The following USH2A variants were observed in gnomAD, a reference collection of about 807,000 sequenced individuals.
The protein encoded by USH2A is Usher syndrome 2A (autosomal recessive, mild).
In USH2A, 443 loss-of-function variants were observed where a neutral mutation model predicts 538.9. The observed-to-expected ratio is 0.82, with a 90% CI of 0.76 to 0.89. The LOEUF is 0.89. Among genes scored for constraint, USH2A ranks in the 40% least tolerant of loss-of-function variants. USH2A has a pLI of 0.00. For synonymous variants in USH2A, 2,413 were observed against 2,273.5 expected, an observed-to-expected ratio of 1.06 and a Z score of -1.75; for missense variants, 6,633 against 6,324.8, an observed-to-expected ratio of 1.05 and a Z score of -1.65.
chr1:216,118,656 G>A (rs945000108), intron 21 of USH2A, among the ~76,000 whole-genome samples: 1 of 152,144 alleles, frequency 6.6e-6, no homozygotes, highest in Non-Finnish European at 1.5e-5. Flanking sequence ...GACAATACCT[G>A]GTTTCTGTTT....
chr1:216,303,558 T>G (rs1203916639), intron 9 of USH2A, among the ~76,000 whole-genome samples: 1 of 152,012 alleles, frequency 6.6e-6, no homozygotes, highest in Non-Finnish European at 1.5e-5. Context: ...TTTGTAGTAT[T>G]AGACTTGATT....
intron 4 of USH2A, among the ~76,000 whole-genome samples, chr1:216,357,614 A>G (rs991098612): frequency 2.0e-5 from 3 of 152,174 alleles, no homozygotes; most frequent in Admixed American, 6.6e-5. Flanking sequence ...CAGACACTCA[A>G]CAAATATTTA....
At chr1:215,820,121 A>T (rs551754309) in intron 47 of USH2A, among the ~76,000 whole-genome samples, 1 of 151,662 alleles carries the variant, frequency 6.6e-6, no homozygotes, top group African/African-American at 2.4e-5. Context: ...ATTTGAATGA[A>T]TTTTTTTTGG....
At chr1:215,661,191 G>A (rs781376951) in intron 64 of USH2A, among the ~76,000 whole-genome samples, 1 of 152,140 alleles carries the variant, frequency 6.6e-6, no homozygotes, top group Non-Finnish European at 1.5e-5. Context: ...GGACGAGCTG[G>A]TTTTTCCCCA....
chr1:216,410,817 T>G (rs1250059146), intron 3 of USH2A, among the ~76,000 whole-genome samples: 1 of 152,132 alleles, frequency 6.6e-6, no homozygotes, highest in African/African-American at 2.4e-5. Context: ...CCCTTTAATT[T>G]AATTCTTAAA....
rs577223004 is a variant in USH2A at position 215,771,963 on chromosome 1, G to A, written c.10940-5175C>T. Among the ~76,000 whole-genome samples the A allele has an allele frequency of 2.0e-5, 3 of 152,210 alleles. No homozygotes were observed. In the South Asian group the frequency reaches 6.2e-4, roughly 32 times the overall value. On this transcript the variant is annotated intron_variant, in intron 55 of 71. Transcript: ENST00000307340. ...ATATTTTTCATATTGTTAGAGGACT[G>A]GATTACTAATAGGCTTGGTTCAGAT...
chr1:216,069,817 G>T (rs2031497865), intron 30 of USH2A, among the ~76,000 whole-genome samples: 1 of 152,122 alleles, frequency 6.6e-6, no homozygotes, highest in Non-Finnish European at 1.5e-5. Flanking sequence ...TGTCTATAAG[G>T]TGTTAAAGGG....
Position 215,867,188 on chromosome 1 carries a change from TA to T in USH2A, c.8682-19del, listed in dbSNP as rs781675282. ...TTGTAAACCTAAAATGTTGTTTTGT[TA>T]AAAAAAGTATATGAATTTCTACTTT... On this transcript the variant is annotated intron_variant, in intron 43 of 71. Transcript: ENST00000307340. 1 of 1,611,696 alleles carries T rather than the reference TA, an allele frequency of 6.2e-7. No individual in the cohort carries two copies. Among genetic ancestry groups the T allele is most frequent in the Non-Finnish European group, 8.5e-7 (1 of 1,178,694 alleles).
At chr1:216,360,482 C>T (rs1158563079) in intron 4 of USH2A, among the ~76,000 whole-genome samples, 3 of 152,032 alleles carry the variant, frequency 2.0e-5, no homozygotes, top group Non-Finnish European at 2.9e-5. Flanking sequence ...GTAGTGGATA[C>T]TTGTCGTTGT....
In USH2A at chr1:215,774,065, C is replaced by T. The variant is rs1034996458; in HGVS notation, c.10939+5778G>A. Reference sequence around the variant, plus strand: ...ACTTACCCAAGCCAATTTCCTCCCCCCCATTGAGCAGCATTTGTACTGTCC... The same window carrying T: ...ACTTACCCAAGCCAATTTCCTCCCCTCCATTGAGCAGCATTTGTACTGTCC... On this transcript the variant is annotated intron_variant, in intron 55 of 71. Coordinates refer to ENST00000307340, the MANE Select transcript of USH2A (RefSeq NM_206933.4). 3.3e-5 allele frequency among the ~76,000 whole-genome samples: 5 copies of T among 152,116 alleles called. No individual in the cohort carries two copies. The South Asian group carries it at 1.0e-3, about 32-fold the overall frequency.
chr1:215,634,305 G>A (rs1433466102), intron 70 of USH2A, among the ~76,000 whole-genome samples, 154 bp downstream of exon 70: 1 of 152,222 alleles, frequency 6.6e-6, no homozygotes, highest in Non-Finnish European at 1.5e-5. Flanking sequence ...TGAGAAAGCT[G>A]TTCTAGGGTT....
At chr1:216,143,733 G>C (rs1211025397) in intron 21 of USH2A, among the ~76,000 whole-genome samples, 1 of 152,146 alleles carries the variant, frequency 6.6e-6, no homozygotes, top group Non-Finnish European at 1.5e-5. Flanking sequence ...TGAAACTAAA[G>C]ACCAATTAAC....
chr1:216,048,739 G>C (rs2030632171), intron 30 of USH2A, 92 bp from the exon 31 acceptor site: 4 of 1,068,926 alleles, frequency 3.7e-6, no homozygotes, highest in Admixed American at 3.4e-5. Context: ...GTCTATAAGA[G>C]AGAGAGACAA....
At chr1:216,237,494 TAAA>T (rs59074625) in intron 13 of USH2A, among the ~76,000 whole-genome samples, 156 of 114,286 alleles carry the variant, frequency 1.4e-3, no homozygotes, top group African/African-American at 4.7e-3. Flanking sequence ...GACTCCGTCT[TAAA>T]AAAAAAAAAA....
intron 30 of USH2A, among the ~76,000 whole-genome samples, chr1:216,067,231 GA>G (rs1362690195): frequency 6.6e-6 from 1 of 152,086 alleles, no homozygotes; most frequent in Non-Finnish European, 1.5e-5. Flanking sequence ...TGGACATAGG[GA>G]GGGGAACATC....
Position 215,912,513 on chromosome 1 carries a change from G to GTATATATATATACATATA in USH2A, c.7301-11609_7301-11608insTATATGTATATATATATA, listed in dbSNP as rs1491347480. On this transcript the variant is annotated intron_variant, in intron 38 of 71. Coordinates refer to ENST00000307340, the MANE Select transcript of USH2A (RefSeq NM_206933.4). ...TATGTGTATATATATATATATATAC[G>GTATATATATATACATATA]TGTATATATATATATATATATATGA... Among the ~76,000 whole-genome samples, 4 of 16,960 alleles carry GTATATATATATACATATA rather than the reference G, an allele frequency of 2.4e-4. No individual in the cohort carries two copies. In the East Asian group the frequency reaches 4.4e-3, roughly 19 times the overall value. The allele number at this position is 16,960 out of a possible 152,430, so 11.1% of individuals were successfully genotyped here. A position where few individuals can be genotyped will look rare whatever the true frequency, so the allele number is the denominator to read the frequency against.
chr1:216,120,344 G>C (rs1319076402), intron 21 of USH2A, among the ~76,000 whole-genome samples: 1 of 149,982 alleles, frequency 6.7e-6, no homozygotes, highest in Non-Finnish European at 1.5e-5. Context: ...AGGCCAGCCT[G>C]GCCAACACGG....
chr1:216,132,245 C>T (rs1037911142), intron 21 of USH2A, among the ~76,000 whole-genome samples: 26 of 152,148 alleles, frequency 1.7e-4, no homozygotes, highest in African/African-American at 6.0e-4. Flanking sequence ...ATAAATTTTA[C>T]TTTTCACACT....
At chr1:216,376,008 A>G (rs2102725142) in intron 3 of USH2A, among the ~76,000 whole-genome samples, 1 of 152,240 alleles carries the variant, frequency 6.6e-6, no homozygotes, top group Admixed American at 6.5e-5. Flanking sequence ...GGTGTGGTTC[A>G]TGGCACCCCC....
Sources: gnomAD v4.1 joint callset for allele counts (sites outside exome capture counted in the v4.1 genomes callset) on GRCh38, gnomAD v4.1.1 for gene constraint, MANE v1.5 for transcripts, NCBI Gene and HGNC (gene_info 2026-07-23, HGNC 2026-07-21) for gene names.